PRKN: variants seen among roughly 807,000 people sequenced by gnomAD.
PRKN encodes parkin RBR E3 ubiquitin protein ligase, also known as E3 ubiquitin-protein ligase parkin.
Under a neutral mutation model 59.5 loss-of-function variants are expected in PRKN, and 56 were observed. The observed-to-expected ratio is 0.94, with a 90% CI of 0.76 to 1.18. The LOEUF (loss-of-function observed/expected upper bound fraction) is 1.18, where lower values mean the gene tolerates loss of function less well. Ranked by LOEUF, PRKN falls within the 50% of genes most tolerant of loss-of-function variation. The probability of loss-of-function intolerance (pLI) is 0.00; values close to 1 mark genes in which losing one functional copy is unlikely to be tolerated. For missense variants in PRKN, 657 were observed against 596.4 expected, an observed-to-expected ratio of 1.10 and a Z score of -1.06; for synonymous variants, 250 against 222.1, an observed-to-expected ratio of 1.13 and a Z score of -1.12.
chr6:162,568,941 T>C (rs1780200392), intron 1 of PRKN: 1 of 664,768 alleles, frequency 1.5e-6, no homozygotes, highest in East Asian at 2.7e-5. Context: ...GGTAGAGCTG[T>C]AGTCTCAGCT....
chr6:161,795,335 T>C (rs752055369), intron 6 of PRKN, among the ~76,000 whole-genome samples: 79 of 145,930 alleles, frequency 5.4e-4, no homozygotes, highest in Non-Finnish European at 1.1e-3. Flanking sequence ...CAGGTTCAAA[T>C]GATTCTCATG....
intron 1 of PRKN, among the ~76,000 whole-genome samples, chr6:162,687,406 G>A (rs925916561): frequency 1.3e-5 from 2 of 151,838 alleles, no homozygotes; most frequent in Non-Finnish European, 2.9e-5. Flanking sequence ...GGATGGTCTC[G>A]ATCTCCTGAC....
At chr6:162,018,050 G>A (rs924557016) in intron 5 of PRKN, among the ~76,000 whole-genome samples, 1 of 151,748 alleles carries the variant, frequency 6.6e-6, no homozygotes, top group African/African-American at 2.4e-5. Context: ...TTTTTGAGAC[G>A]GAGTCTTGCT....
intron 6 of PRKN, among the ~76,000 whole-genome samples, chr6:161,800,539 C>T (rs1231577538): frequency 6.6e-6 from 1 of 152,172 alleles, no homozygotes; most frequent in Non-Finnish European, 1.5e-5. Flanking sequence ...TAAAAAACAT[C>T]CACTGGATTG....
At chr6:162,237,307 G>C (rs1324417923) in intron 3 of PRKN, among the ~76,000 whole-genome samples, 1 of 152,082 alleles carries the variant, frequency 6.6e-6, no homozygotes, top group Non-Finnish European at 1.5e-5. Context: ...GCAAGACCTA[G>C]TACATAAAAA....
chr6:162,365,371 T>C (rs534922483), intron 2 of PRKN, among the ~76,000 whole-genome samples: 139 of 152,330 alleles, frequency 9.1e-4, no homozygotes, highest in Non-Finnish European at 1.0e-3. Context: ...AAGATGATTA[T>C]ATTCAGTAAT....
At chr6:162,068,308 G>A (rs79924080) in intron 4 of PRKN, among the ~76,000 whole-genome samples, 2,405 of 152,220 alleles carry the variant, frequency 0.016, 57 homozygotes, top group African/African-American at 0.055. Flanking sequence ...GAAATCATAT[G>A]AGACATTATA....
intron 5 of PRKN, among the ~76,000 whole-genome samples, chr6:162,010,306 T>C (rs1782453039): frequency 7.9e-6 from 1 of 126,326 alleles, no homozygotes; most frequent in Admixed American, 1.0e-4. Flanking sequence ...ATATTTATTA[T>C]ATATATTTTA....
At chr6:161,701,279 C>G (rs762880408) in intron 7 of PRKN, among the ~76,000 whole-genome samples, 6 of 152,198 alleles carry the variant, frequency 3.9e-5, no homozygotes, top group African/African-American at 1.4e-4. Context: ...TTTTGAAACA[C>G]AGTTTCCATT....
At chr6:162,712,344 T>C (rs1480407899) in intron 1 of PRKN, among the ~76,000 whole-genome samples, 1 of 152,174 alleles carries the variant, frequency 6.6e-6, no homozygotes, top group African/African-American at 2.4e-5. Context: ...TAACCTTAAA[T>C]AATGAAGTAA....
intron 7 of PRKN, among the ~76,000 whole-genome samples, chr6:161,785,313 T>C (rs528544108): frequency 3.3e-4 from 51 of 152,340 alleles, no homozygotes; most frequent in African/African-American, 1.2e-3. Flanking sequence ...CTTTGTAATG[T>C]GAAAAGATAA....
chr6:162,494,950 G>A (rs1161005743), intron 1 of PRKN, among the ~76,000 whole-genome samples: 3 of 152,138 alleles, frequency 2.0e-5, no homozygotes, highest in Non-Finnish European at 4.4e-5. Context: ...CTCCCTCCAA[G>A]GAAATGATGG....
chr6:161,726,297 T>C (rs968079630), intron 7 of PRKN, among the ~76,000 whole-genome samples: 8 of 152,230 alleles, frequency 5.3e-5, no homozygotes, highest in Non-Finnish European at 7.3e-5. Context: ...TGAGGACCAC[T>C]TGCTGTAGTA....
At chr6:161,867,324 CATTTT>C (rs1459324646) in intron 6 of PRKN, among the ~76,000 whole-genome samples, 3 of 152,178 alleles carry the variant, frequency 2.0e-5, no homozygotes, top group African/African-American at 7.2e-5. Context: ...GTTGTGACAA[CATTTT>C]ATTTATAGGC....
intron 2 of PRKN, among the ~76,000 whole-genome samples, chr6:162,326,017 C>A (rs1748819729): frequency 6.6e-6 from 1 of 152,124 alleles, no homozygotes; most frequent in East Asian, 1.9e-4. Flanking sequence ...AATCAGAGGC[C>A]GCTCATAGAA....
intron 9 of PRKN, among the ~76,000 whole-genome samples, chr6:161,427,787 G>A (rs181787962): frequency 3.9e-5 from 6 of 152,114 alleles, no homozygotes; most frequent in East Asian, 1.9e-4. Flanking sequence ...GGAAGAGTAC[G>A]CAATCAGGCT....
At chr6:161,605,935 C>T (rs1782264399) in intron 7 of PRKN, among the ~76,000 whole-genome samples, 1 of 152,148 alleles carries the variant, frequency 6.6e-6, no homozygotes, top group Non-Finnish European at 1.5e-5. Flanking sequence ...AAGATGCGGA[C>T]ATGTGTGCAA....
intron 1 of PRKN, among the ~76,000 whole-genome samples, chr6:162,526,970 G>A (rs1031023725): frequency 1.3e-5 from 2 of 152,088 alleles, no homozygotes; most frequent in Non-Finnish European, 2.9e-5. Flanking sequence ...AGCACCAGGG[G>A]AAAATAACCT....
chr6:161,815,358 G>A (rs777948214), intron 6 of PRKN, among the ~76,000 whole-genome samples: 1 of 152,146 alleles, frequency 6.6e-6, no homozygotes, highest in African/African-American at 2.4e-5. Flanking sequence ...ACCATCCAAA[G>A]TGTTCACCTA....
Sources: allele counts gnomAD v4.1 joint callset (sites outside exome capture counted in the v4.1 genomes callset), GRCh38; gene constraint gnomAD v4.1.1; transcripts MANE v1.5; gene names NCBI Gene and HGNC (gene_info 2026-07-23, HGNC 2026-07-21).